GOLM1: variants seen among roughly 807,000 people sequenced by gnomAD.
GOLM1 encodes epididymis luminal protein 46.
A neutral mutation model predicts 50.5 loss-of-function variants in GOLM1; 31 were observed. The observed-to-expected ratio is 0.61, with a 90% CI of 0.46 to 0.83. The LOEUF (loss-of-function observed/expected upper bound fraction) is 0.83. Ranked by LOEUF, GOLM1 falls within the 40% of genes least tolerant of loss-of-function variation. GOLM1 has a pLI of 0.00. For missense variants in GOLM1, 491 were observed against 501.3 expected (o/e 0.98, Z 0.20); for synonymous variants, 178 against 192.8 (o/e 0.92, Z 0.64).
chr9:86,050,001 G>A (rs1833686055), intron 4 of GOLM1, among the ~76,000 whole-genome samples: 1 of 152,156 alleles, frequency 6.6e-6, no homozygotes, highest in African/African-American at 2.4e-5. Context: ...ATGGCTGTGG[G>A]TCTGTCATAA....
At position 86,046,464 on chromosome 9, in the gene GOLM1, A is replaced by C. The variant is rs756528880; in HGVS notation, c.467+6T>G. On this transcript the variant is annotated splice_donor_region_variant and intron_variant, in intron 5 of 9. Coordinates refer to ENST00000388712, the MANE Select transcript of GOLM1 (RefSeq NM_016548.4). ...CACTGTGGCACGCGCTCTGAGGTGT[A>C]CTCACAGGTCGTAGGAGAACTTCCT... 1 of 1,555,360 alleles carries C rather than the reference A, an allele frequency of 6.4e-7. No homozygotes were observed. The highest frequency in any genetic ancestry group is 8.9e-7 in the Non-Finnish European group (1 of 1,126,418).
At chr9:86,058,691 G>T (rs1834060635) in intron 3 of GOLM1, among the ~76,000 whole-genome samples, 1 of 107,148 alleles carries the variant, frequency 9.3e-6, no homozygotes, top group African/African-American at 4.9e-5. Context: ...GCAAGACTCT[G>T]TCTCAAAAAA....
intron 3 of GOLM1, among the ~76,000 whole-genome samples, chr9:86,063,838 G>A (rs865788522): frequency 6.6e-6 from 1 of 152,202 alleles, no homozygotes; most frequent in African/African-American, 2.4e-5. Flanking sequence ...GGCCAAGAGC[G>A]AGGACACCTG....
At chr9:86,084,361 C>T (rs6559901) in intron 1 of GOLM1, among the ~76,000 whole-genome samples, 36,725 of 152,042 alleles carry the variant, frequency 0.24, 7,545 homozygotes, top group African/African-American at 0.54. Context: ...GCTTGGTATC[C>T]CTGATAATGA....
chr9:86,074,364 A>T (rs142534841), intron 3 of GOLM1, among the ~76,000 whole-genome samples: 3 of 152,206 alleles, frequency 2.0e-5, no homozygotes, highest in Non-Finnish European at 4.4e-5. Context: ...GATCTAAAGA[A>T]GATGTTTTTA....
intron 1 of GOLM1, among the ~76,000 whole-genome samples, chr9:86,098,648 T>C (rs954175444): frequency 2.8e-4 from 42 of 152,374 alleles, no homozygotes; most frequent in African/African-American, 9.6e-4. Flanking sequence ...TAAATTTTGC[T>C]AAAAAATTTC....
At chr9:86,032,466 C>T (rs1176436618) in intron 9 of GOLM1, among the ~76,000 whole-genome samples, 1 of 151,906 alleles carries the variant, frequency 6.6e-6, no homozygotes, top group Non-Finnish European at 1.5e-5. Context: ...CACACTTGGC[C>T]CAGAAAAATG....
chr9:86,026,335 G>GCAA lies in GOLM1; in HGVS notation c.*1481_*1482insTTG, dbSNP rs1832782019. 1.0e-6 allele frequency: 1 copy of GCAA among 984,842 alleles called. No homozygotes were observed. The highest frequency in any genetic ancestry group is 4.7e-5 in the South Asian group (1 of 21,268). The allele number at this position is 984,842 out of a possible 1,614,324, so 61.0% of individuals were successfully genotyped here. A position where few individuals can be genotyped will look rare whatever the true frequency, so the allele number is the denominator to read the frequency against. ...GATTTTATCTAAGTTGCCTTTTCTGGGTGGGAAAGTTTAACCTTAGTGACT... is the reference window on the plus strand; with the variant it reads ...GATTTTATCTAAGTTGCCTTTTCTGGCAAGTGGGAAAGTTTAACCTTAGTGACT... On this transcript the variant is annotated 3_prime_UTR_variant, in exon 10 of 10. Coordinates refer to ENST00000388712, the MANE Select transcript of GOLM1 (RefSeq NM_016548.4).
At chr9:86,050,655 G>A (rs919945291) in intron 4 of GOLM1, among the ~76,000 whole-genome samples, 2 of 152,114 alleles carry the variant, frequency 1.3e-5, no homozygotes, top group Non-Finnish European at 1.5e-5. Context: ...TTGCATAGAG[G>A]TGTTTATAGT....
At chr9:86,096,176 GGT>G (rs1491478068) in intron 1 of GOLM1, among the ~76,000 whole-genome samples, 74 of 114,790 alleles carry the variant, frequency 6.4e-4, no homozygotes, top group Non-Finnish European at 9.4e-4. Flanking sequence ...CTGCTCGATA[GGT>G]TTTTTTTTTT....
In GOLM1 at chr9:86,077,427, C is replaced by A. The variant is rs765115741; in HGVS notation, c.294G>T (p.Leu98=). ...HNFQLESVNK[L]YQDEKAVLVN... ...CAGGCCTTGCCTTTTCGTCCTGGTA[C>A]AGCTTGTTGACGCTCTCCAGCTGGA... is the stretch of plus-strand genomic sequence containing the variant. The change falls in exon 3 of 10, where the codon CTG becomes CTT. Residue 98 remains leucine (L), a synonymous_variant. Coordinates refer to ENST00000388712, the MANE Select transcript of GOLM1 (RefSeq NM_016548.4). 1.8e-5 allele frequency: 29 copies of A among 1,614,040 alleles called. No individual in the cohort carries two copies. The highest frequency in any genetic ancestry group is 2.5e-5 in the Non-Finnish European group (29 of 1,179,858).
chr9:86,065,901 G>C (rs940259202), intron 3 of GOLM1, among the ~76,000 whole-genome samples: 5 of 152,032 alleles, frequency 3.3e-5, no homozygotes, highest in Non-Finnish European at 5.9e-5. Flanking sequence ...TAAGCCAGGC[G>C]TGGTGGCACC....
chr9:86,047,148 GCTTT>G lies in GOLM1; in HGVS notation c.365-580_365-577del, dbSNP rs757416079. 7.8e-4 allele frequency among the ~76,000 whole-genome samples: 113 copies of G among 145,304 alleles called. 1 individual carries two copies. The highest frequency in any genetic ancestry group is 7.5e-4 in the Admixed American group (11 of 14,630). ...CAACACTCTCATCAGGGAAAGAGCG[GCTTT>G]CTTTAAGGAAATTAATCAGCCCCAT... On this transcript the variant is annotated intron_variant, in intron 4 of 9. Transcript: ENST00000388712.
chr9:86,081,888 A>T (rs186490625), intron 1 of GOLM1, among the ~76,000 whole-genome samples: 188 of 131,832 alleles, frequency 1.4e-3, no homozygotes, highest in African/African-American at 4.1e-3. Context: ...GACTCTGATT[A>T]AAAAAAAAAA....
chr9:86,067,005 A>G (rs1044119335), intron 3 of GOLM1, among the ~76,000 whole-genome samples: 3 of 152,278 alleles, frequency 2.0e-5, no homozygotes, highest in Admixed American at 1.3e-4. Flanking sequence ...GCATGGTCTC[A>G]GCTCACTGCA....
chr9:86,097,761 TC>T (rs1477260406), intron 1 of GOLM1, among the ~76,000 whole-genome samples: 1 of 152,162 alleles, frequency 6.6e-6, no homozygotes, highest in Admixed American at 6.5e-5. Context: ...GCTCGCACTT[TC>T]ACAGGATAAG....
At chr9:86,031,229 G>A (rs1361778961) in intron 9 of GOLM1, among the ~76,000 whole-genome samples, 1 of 151,854 alleles carries the variant, frequency 6.6e-6, no homozygotes, top group Non-Finnish European at 1.5e-5. Flanking sequence ...AAAAAAAAGG[G>A]CATCGGCAGG....
intron 6 of GOLM1, among the ~76,000 whole-genome samples, chr9:86,038,280 T>C (rs1833218003): frequency 6.6e-6 from 1 of 152,022 alleles, no homozygotes; most frequent in Non-Finnish European, 1.5e-5. Context: ...AGGCTCTCAG[T>C]GAACATCAGA....
intron 3 of GOLM1, among the ~76,000 whole-genome samples, chr9:86,054,418 T>A (rs920245792): frequency 6.6e-6 from 1 of 152,052 alleles, no homozygotes; most frequent in Non-Finnish European, 1.5e-5. Context: ...GAGATGGGGT[T>A]TCACCATGTT....
Sources: gnomAD v4.1 joint callset for allele counts (sites outside exome capture counted in the v4.1 genomes callset) on GRCh38, gnomAD v4.1.1 for gene constraint, MANE v1.5 for transcripts, NCBI Gene and HGNC (gene_info 2026-07-23, HGNC 2026-07-21) for gene names.